The following FA2H variants were observed in gnomAD, a reference collection of about 807,000 sequenced individuals.
FA2H encodes the protein fatty acid alpha-hydroxylase.
In FA2H, 22 loss-of-function variants were observed where a neutral mutation model predicts 44.9. The ratio of observed to expected loss-of-function variants is 0.49; its 90% CI spans 0.35 to 0.70. FA2H has a LOEUF of 0.70. Ranked by LOEUF, FA2H falls within the 30% of genes least tolerant of loss-of-function variation. The pLI is 0.01. For synonymous variants in FA2H, 243 were observed against 213.2 expected, an observed-to-expected ratio of 1.14 and a Z score of -1.22; for missense variants, 501 against 504.9, an observed-to-expected ratio of 0.99 and a Z score of 0.07.
intron 1 of FA2H, among the ~76,000 whole-genome samples, chr16:74,755,089 A>C (rs1022798134): frequency 5.9e-5 from 9 of 152,090 alleles, no homozygotes; most frequent in Admixed American, 5.9e-4. Context: ...CAGCCTCTAG[A>C]GGGAACCAAC....
chr16:74,723,924 C>T (rs183945125), intron 4 of FA2H, among the ~76,000 whole-genome samples: 84 of 151,834 alleles, frequency 5.5e-4, no homozygotes, highest in African/African-American at 1.5e-3. Context: ...TTTTTTGAGA[C>T]GGAATCTCAC....
intron 1 of FA2H, among the ~76,000 whole-genome samples, chr16:74,766,644 G>T (rs184969397): frequency 1.4e-3 from 166 of 115,096 alleles, no homozygotes; most frequent in Admixed American, 3.1e-3. Context: ...GAAAACTAAG[G>T]GGGGGGGCTC....
chr16:74,752,125 C>G (rs1209322559), intron 1 of FA2H, among the ~76,000 whole-genome samples: 1 of 152,180 alleles, frequency 6.6e-6, no homozygotes, highest in Non-Finnish European at 1.5e-5. Context: ...ATTTCAAATT[C>G]TCTCCATCCT....
chr16:74,753,534 G>A (rs12928993), intron 1 of FA2H, among the ~76,000 whole-genome samples: 60,863 of 152,012 alleles, frequency 0.4, 12,474 homozygotes, highest in Middle Eastern at 0.49. Context: ...GCTGGGTGTG[G>A]TGGCACGCAC....
chr16:74,721,172 C>CT lies in FA2H; in HGVS notation c.614-2013dup, dbSNP rs201322723. On this transcript the variant is annotated intron_variant, in intron 4 of 6. Coordinates refer to ENST00000219368, the MANE Select transcript of FA2H (RefSeq NM_024306.5). ...TTCCAAAGCTAGCCATTCTCTCTCT[C>CT]TTTTTTTTTTGTGAGGCAGAGTTTC... Among the ~76,000 whole-genome samples, 174 of 149,018 alleles carry CT rather than the reference C, an allele frequency of 1.2e-3. No homozygotes were observed. The East Asian group carries it at 0.017, about 14-fold the overall frequency.
chr16:74,742,864 C>T (rs901829043), intron 1 of FA2H, among the ~76,000 whole-genome samples: 1 of 151,964 alleles, frequency 6.6e-6, no homozygotes, highest in Non-Finnish European at 1.5e-5. Flanking sequence ...TTTTAATTTA[C>T]TATCAGCAAC....
intron 1 of FA2H, among the ~76,000 whole-genome samples, chr16:74,755,925 C>G (rs1338958271): frequency 2.6e-5 from 4 of 152,174 alleles, no homozygotes; most frequent in Non-Finnish European, 4.4e-5. Context: ...GATATGCCTC[C>G]TTACAGCCAA....
intron 1 of FA2H, among the ~76,000 whole-genome samples, chr16:74,750,245 A>G (rs1962504396): frequency 6.6e-6 from 1 of 152,158 alleles, no homozygotes; most frequent in Non-Finnish European, 1.5e-5. Context: ...CACCTAAAAT[A>G]TATTATCTCC....
intron 1 of FA2H, among the ~76,000 whole-genome samples, chr16:74,742,552 A>G (rs925862574): frequency 1.3e-5 from 2 of 152,202 alleles, no homozygotes; most frequent in African/African-American, 4.8e-5. Flanking sequence ...AATATTTCAA[A>G]GGCAGGCACG....
intron 1 of FA2H, among the ~76,000 whole-genome samples, chr16:74,766,674 C>G (rs890495992): frequency 6.6e-6 from 1 of 152,126 alleles, no homozygotes; most frequent in Non-Finnish European, 1.5e-5. Flanking sequence ...AACAGGTGGT[C>G]CAAGCCATTG....
chr16:74,739,834 C>A (rs1418495110), intron 2 of FA2H, among the ~76,000 whole-genome samples, 189 bp downstream of exon 2: 1 of 152,168 alleles, frequency 6.6e-6, no homozygotes, highest in Non-Finnish European at 1.5e-5. Flanking sequence ...ACCAGTGAGG[C>A]ACCCCCACAC....
chr16:74,748,847 G>T (rs1962478151), intron 1 of FA2H, among the ~76,000 whole-genome samples: 1 of 152,254 alleles, frequency 6.6e-6, no homozygotes, highest in South Asian at 2.1e-4. Flanking sequence ...GGGACGGACA[G>T]ATGGCCTTTT....
chr16:74,749,067 C>T (rs933567766), intron 1 of FA2H, among the ~76,000 whole-genome samples: 3 of 152,130 alleles, frequency 2.0e-5, no homozygotes, highest in African/African-American at 7.2e-5. Context: ...TGTTCCAAGC[C>T]GTTATCTGTA....
chr16:74,714,478 C>A (rs541669735), intron 6 of FA2H, among the ~76,000 whole-genome samples: 2 of 152,278 alleles, frequency 1.3e-5, no homozygotes, highest in African/African-American at 4.8e-5. Flanking sequence ...TGGAATAAAC[C>A]CTAATTCCTT....
intron 2 of FA2H, among the ~76,000 whole-genome samples, chr16:74,734,124 G>T (rs1962134253): frequency 6.6e-6 from 1 of 152,256 alleles, no homozygotes; most frequent in Non-Finnish European, 1.5e-5. Flanking sequence ...AAGGCTCGGG[G>T]GACAGAGGGA....
At chr16:74,718,764 C>T (rs1961763005) in intron 5 of FA2H, among the ~76,000 whole-genome samples, 1 of 152,240 alleles carries the variant, frequency 6.6e-6, no homozygotes. Context: ...AACAAGGGTG[C>T]AGAGGGCCTG....
intron 1 of FA2H, among the ~76,000 whole-genome samples, chr16:74,748,236 G>T (rs1261159360): frequency 6.6e-6 from 1 of 152,246 alleles, no homozygotes; most frequent in Non-Finnish European, 1.5e-5. Context: ...AACGCTGCGC[G>T]TGGAGCAGTG....
intron 1 of FA2H, among the ~76,000 whole-genome samples, chr16:74,748,403 TGA>T (rs1247385028): frequency 6.6e-6 from 1 of 152,190 alleles, no homozygotes; most frequent in African/African-American, 2.4e-5. Context: ...CAACTCTCCC[TGA>T]GAGACTGGCA....
chr16:74,719,197 G>A, intron 4 of FA2H, 37 bp from the exon 5 acceptor site: 1 of 1,590,670 alleles, frequency 6.3e-7, no homozygotes, highest in Non-Finnish European at 8.6e-7. Context: ...GAGGACCGGT[G>A]CATAGCAGCC....
Sources: allele counts gnomAD v4.1 joint callset (sites outside exome capture counted in the v4.1 genomes callset), GRCh38; gene constraint gnomAD v4.1.1; transcripts MANE v1.5; gene names NCBI Gene and HGNC (gene_info 2026-07-23, HGNC 2026-07-21).